Variants in SLC4A1 observed in about 807,000 individuals in gnomAD.
The protein encoded by SLC4A1 is band 3 anion transport protein.
In SLC4A1, 29 loss-of-function variants were observed where a neutral mutation model predicts 93.1. The observed-to-expected ratio is 0.31, with a 90% confidence interval of 0.23 to 0.42. SLC4A1 has a LOEUF of 0.42. SLC4A1 is among the 20% of genes least tolerant of loss of function. The pLI, the probability that SLC4A1 is intolerant of heterozygous loss-of-function variation, is 1.00. For missense variants in SLC4A1, 965 were observed against 1,190.1 expected, an observed-to-expected ratio of 0.81 and a Z score of 2.78; for synonymous variants, 469 against 497.2, an observed-to-expected ratio of 0.94 and a Z score of 0.76.
intron 6 of SLC4A1, among the ~76,000 whole-genome samples, 185 bp from the exon 7 acceptor site, chr17:44,260,117 G>A (rs548422044): frequency 2.3e-4 from 35 of 152,308 alleles, no homozygotes; most frequent in Non-Finnish European, 3.7e-4. Flanking sequence ...CTCCAAGGAC[G>A]TTGTAGATGT....
chr17:44,255,804 CGTT>C lies in SLC4A1; in HGVS notation c.1666_1668del (p.Asn556del). The C allele has an allele frequency of 2.5e-6, 4 of 1,614,080 alleles. No homozygotes were observed. Among genetic ancestry groups the C allele is most frequent in the Non-Finnish European group, 3.4e-6 (4 of 1,180,014 alleles). ...CCCTGAGGTTTGGGCACCATCAACA[CGTT>C]GTAGTTATAAGTCTTCTGTAGTGGG... On this transcript the variant is annotated inframe_deletion, in exon 14 of 20. Coordinates refer to ENST00000262418, the MANE Select transcript of SLC4A1 (RefSeq NM_000342.4).
In SLC4A1 at chr17:44,259,942, G is replaced by A. The variant is rs376999476; in HGVS notation, c.486-10C>T. On this transcript the variant is annotated splice_polypyrimidine_tract_variant and intron_variant, in intron 6 of 19. Coordinates refer to ENST00000262418, the MANE Select transcript of SLC4A1 (RefSeq NM_000342.4). ...CAGCTCTCCAGCGTGGCTGCAGGAC[G>A]TACAGGGGACATGGGCTGAGTAAGC... 7.9e-5 allele frequency: 128 copies of A among 1,613,532 alleles called. No homozygotes were observed. The South Asian group carries it at 1.0e-3, about 13-fold the overall frequency.
chr17:44,265,455 C>T (rs551874720), intron 1 of SLC4A1, among the ~76,000 whole-genome samples: 59 of 152,192 alleles, frequency 3.9e-4, no homozygotes, highest in African/African-American at 1.3e-3. Context: ...CTGCAAGCTC[C>T]GCCTCCTGGG....
intron 13 of SLC4A1, 83 bp downstream of exon 13, chr17:44,257,267 C>T (rs1445411420): frequency 1.4e-5 from 19 of 1,379,736 alleles, no homozygotes; most frequent in Non-Finnish European, 1.9e-5. Context: ...TCTGAGATTA[C>T]AGGCCTGAGC....
chr17:44,261,542 A>G (rs773152476), intron 4 of SLC4A1, 33 bp downstream of exon 4: 2 of 1,614,022 alleles, frequency 1.2e-6, no homozygotes, highest in Non-Finnish European at 8.5e-7. Context: ...CAAAGGCAGC[A>G]TGGGAAAGAA....
intron 1 of SLC4A1, 126 bp downstream of exon 1, chr17:44,267,928 C>T (rs1310484504): frequency 7.1e-6 from 2 of 282,424 alleles, no homozygotes; most frequent in Non-Finnish European, 1.1e-5. Context: ...TCTCACCCCA[C>T]CCACCTGCAC....
intron 3 of SLC4A1, 25 bp from the exon 4 acceptor site, chr17:44,261,661 T>C: frequency 2.5e-6 from 4 of 1,614,002 alleles, no homozygotes; most frequent in Non-Finnish European, 3.4e-6. Context: ...TCGGTTAGTA[T>C]TGACCTGACC....
rs121912743 is a variant in SLC4A1, at chr17:44,255,804, C to T, written c.1669G>A (p.Val557Met). The T allele has an allele frequency of 6.2e-6, 10 of 1,614,080 alleles. No individual in the cohort carries two copies. Among genetic ancestry groups the T allele is most frequent in the South Asian group, 4.4e-5 (4 of 91,074 alleles). ...HPLQKTYNYN[V>M]LMVPKPQGPL... ...CCCTGAGGTTTGGGCACCATCAACA[C>T]GTTGTAGTTATAAGTCTTCTGTAGT... The change falls in exon 14 of 20, where the codon GTG (valine) becomes ATG (methionine). Residue 557 changes from valine to methionine, a missense_variant. Physicochemically the swap from Val to Met is conservative, Grantham distance 21. Coordinates refer to ENST00000262418, the MANE Select transcript of SLC4A1 (RefSeq NM_000342.4).
At chr17:44,261,672 G>A (rs140632969) in intron 3 of SLC4A1, 36 bp from the exon 4 acceptor site, 13 of 1,613,918 alleles carry the variant, frequency 8.1e-6, no homozygotes, top group African/African-American at 2.7e-5. Flanking sequence ...TGACCTGACC[G>A]TCCCCCACCT....
chr17:44,251,277 A>G lies in SLC4A1; in HGVS notation c.2537T>C (p.Val846Ala), dbSNP rs752451300. ...FTGIQIICLA[V>A]LWVVKSTPAS... Reference sequence around the variant, plus strand: ...CGGCGTGGACTTCACCACCCACAGCACTGCCAGGCAGATGATCTGGATGCC... The same window carrying G: ...CGGCGTGGACTTCACCACCCACAGCGCTGCCAGGCAGATGATCTGGATGCC... The change falls in exon 19 of 20, where the codon GTG becomes GCG. Residue 846 changes from valine to alanine, a missense_variant. This residue lies in a region of SLC4A1 where 770 missense variants were observed against 1,006.6 expected (regional missense o/e 0.76). Transcript: ENST00000262418. 2.5e-5 allele frequency: 41 copies of G among 1,614,096 alleles called. 1 individual carries two copies. The South Asian group carries it at 4.5e-4, about 18-fold the overall frequency.
chr17:44,259,109 C>A (rs2047416753), intron 9 of SLC4A1, 54 bp downstream of exon 9: 7 of 1,583,480 alleles, frequency 4.4e-6, no homozygotes, highest in Non-Finnish European at 6.1e-6. Context: ...CAGGCCTCAG[C>A]CACCATGCAG....
Position 44,259,322 on chromosome 17 carries a change from C to T in SLC4A1, c.717G>A (p.Gln239=). The change falls in exon 9 of 20, where the codon CAG becomes CAA. Residue 239 remains glutamine, a synonymous_variant. Transcript: ENST00000262418. ...VLVGRADFLE[Q]PVLGFVRLQE... ...GCAGCCTCACGAAGCCCAGCACCGG[C>T]TGCTCCAGGAAGTCGGCGCGGCCTG... 4 of 1,613,852 alleles carry T rather than the reference C, an allele frequency of 2.5e-6. No homozygotes were observed. The South Asian group carries it at 4.4e-5, about 18-fold the overall frequency.
intron 3 of SLC4A1, chr17:44,261,890 T>C: frequency 9.7e-7 from 1 of 1,032,580 alleles, no homozygotes; most frequent in Non-Finnish European, 1.3e-6. Context: ...CAGGGAGGCC[T>C]AGCCCCTCCG....
chr17:44,255,946 A>C (rs2047385381), intron 13 of SLC4A1, 100 bp from the exon 14 acceptor site: 16 of 1,072,104 alleles, frequency 1.5e-5, no homozygotes, highest in Non-Finnish European at 2.0e-5. Context: ...CCATTCATCC[A>C]GTCATCTATT....
chr17:44,258,616 C>G lies in SLC4A1; in HGVS notation c.884G>C (p.Arg295Pro). 1 of 1,596,214 alleles carries G rather than the reference C, an allele frequency of 6.3e-7. No homozygotes were observed. The highest frequency in any genetic ancestry group is 8.5e-7 in the Non-Finnish European group (1 of 1,172,286). The change falls in exon 10 of 20, where the codon CGC (arginine) becomes CCC (proline). Residue 295 changes from arginine to proline, a missense_variant. Physicochemically the swap from Arg to Pro is moderately radical, Grantham distance 103. Around this residue, in one of 2 missense-constraint regions of SLC4A1, gnomAD observed 770 missense variants for 1,006.6 expected, o/e 0.76. Transcript: ENST00000262418. This position sits in a 1 kb window ranked among gnomAD's most constrained non-coding sequence, Gnocchi z 6.1. ...AATLMSERVF[R>P]IDAYMAQSRG... ...GCTCTGAGCCATGTAGGCATCTATG[C>G]GGAACACCTAGGGGCAGGAGACAGG...
At chr17:44,259,780 C>G (rs773861447) in intron 7 of SLC4A1, 29 bp downstream of exon 7, 2 of 1,613,726 alleles carry the variant, frequency 1.2e-6, no homozygotes, top group Admixed American at 3.3e-5. Context: ...CCCACCCTGA[C>G]CCTGACCCTG....
rs750490778 is a variant in SLC4A1, at chr17:44,253,280, C to T, written c.2149G>A (p.Ala717Thr). The T allele has an allele frequency of 3.4e-5, 55 of 1,613,830 alleles. No homozygotes were observed. The highest frequency in any genetic ancestry group is 1.1e-4 in the East Asian group (5 of 44,886). The change falls in exon 17 of 20, where the codon GCC (alanine) becomes ACC (threonine). Residue 717 changes from alanine to threonine, a missense_variant. By Grantham distance (58) the Ala-to-Thr change is moderately conservative. Around this residue, in one of 2 missense-constraint regions of SLC4A1, gnomAD observed 770 missense variants for 1,006.6 expected, o/e 0.76. Transcript: ENST00000262418. The stretch of plus-strand genomic sequence containing the variant: ...CTGAGCCAGGGCATCCCAAAGAGGG[C>T]GGCCACCCCACCCATGCCTACTACC... ...LLVVGMGGVA[A>T]LFGMPWLSAT...
In SLC4A1 at chr17:44,257,982, T is replaced by A. The variant is rs5016; in HGVS notation, c.1282+4A>T. ...GAGTTAGGGAGACAGGTATTGGCAC[T>A]GACCCAGGAGGCCGCCGAAGGTGAT... On this transcript the variant is annotated splice_donor_region_variant and intron_variant, in intron 11 of 19. Coordinates refer to ENST00000262418, the MANE Select transcript of SLC4A1 (RefSeq NM_000342.4). 1 of 1,614,092 alleles carries A rather than the reference T, an allele frequency of 6.2e-7. No homozygotes were observed.
chr17:44,250,975 A>C (rs911969825), intron 19 of SLC4A1, among the ~76,000 whole-genome samples, 184 bp downstream of exon 19: 3 of 152,088 alleles, frequency 2.0e-5, no homozygotes, highest in Admixed American at 6.6e-5. Context: ...AGGTGAGCAA[A>C]ATGAAGACAC....
Sources: gnomAD v4.1 joint callset for allele counts (sites outside exome capture counted in the v4.1 genomes callset) on GRCh38, gnomAD v4.1.1 for gene constraint, gnomAD v4.1.1 regional missense constraint, Gnocchi (gnomAD v3.1) non-coding constraint, MANE v1.5 for transcripts, NCBI Gene and HGNC (gene_info 2026-07-23, HGNC 2026-07-21) for gene names.